Variants in DIAPH3 observed in about 807,000 individuals in gnomAD.
DIAPH3 encodes protein diaphanous homolog 3.
DIAPH3 carries 117 observed loss-of-function variants against 144.3 expected under a neutral mutation model. The ratio of observed to expected loss-of-function variants is 0.81; its 90% confidence interval spans 0.70 to 0.95. The LOEUF (loss-of-function observed/expected upper bound fraction) is 0.95. Ranked by LOEUF, DIAPH3 falls within the 40% of genes least tolerant of loss-of-function variation. The probability of loss-of-function intolerance (pLI) is 0.00; values close to 1 mark genes in which losing one functional copy is unlikely to be tolerated. For synonymous variants in DIAPH3, 519 were observed against 488.9 expected, an observed-to-expected ratio of 1.06 and a Z score of -0.81; for missense variants, 1,421 against 1,412.7, an observed-to-expected ratio of 1.01 and a Z score of -0.09.
At chr13:59,980,749 C>T in intron 14 of DIAPH3, 46 bp downstream of exon 14, 1 of 1,511,038 alleles carries the variant, frequency 6.6e-7, no homozygotes, top group South Asian at 1.1e-5. Flanking sequence ...AGCATGCCTG[C>T]AGTGGTTCCC....
intron 18 of DIAPH3, among the ~76,000 whole-genome samples, chr13:59,923,397 T>C (rs1417348504): frequency 1.3e-5 from 2 of 152,132 alleles, no homozygotes; most frequent in Non-Finnish European, 2.9e-5. Context: ...AAAGTTCTTT[T>C]GGGAGGGAAA....
At chr13:59,905,859 C>T (rs1399650892) in intron 20 of DIAPH3, among the ~76,000 whole-genome samples, 1 of 152,134 alleles carries the variant, frequency 6.6e-6, no homozygotes, top group Non-Finnish European at 1.5e-5. Flanking sequence ...TCCCCTAGAG[C>T]CCTCAGAAGG....
intron 27 of DIAPH3, among the ~76,000 whole-genome samples, chr13:59,687,040 C>T (rs1046275041): frequency 2.2e-4 from 33 of 151,926 alleles, no homozygotes; most frequent in African/African-American, 8.0e-4. Context: ...GAGTCTAGAC[C>T]AAGAGGCAAT....
intron 5 of DIAPH3, among the ~76,000 whole-genome samples, chr13:60,021,964 A>G (rs1250716168): frequency 6.6e-6 from 1 of 152,238 alleles, no homozygotes; most frequent in Non-Finnish European, 1.5e-5. Context: ...TGTAGTTTTC[A>G]GCATAAAAGT....
intron 5 of DIAPH3, among the ~76,000 whole-genome samples, chr13:60,025,682 T>G (rs2054329504): frequency 6.6e-6 from 1 of 151,992 alleles, no homozygotes; most frequent in South Asian, 2.1e-4. Flanking sequence ...TCAACAACAA[T>G]TTATAAATAA....
At chr13:59,921,897 C>T (rs995675065) in intron 18 of DIAPH3, among the ~76,000 whole-genome samples, 1 of 151,986 alleles carries the variant, frequency 6.6e-6, no homozygotes, top group Non-Finnish European at 1.5e-5. Context: ...AAGGATGGTT[C>T]AAAACATGCA....
In DIAPH3 at chr13:60,067,184, C is replaced by T. The variant is rs561383217; in HGVS notation, c.496-24364G>A. On this transcript the variant is annotated intron_variant, in intron 4 of 27. Transcript: ENST00000400324. ...CCTGTAGTCCCAGCTACTCTGGAGG[C>T]TAAGGTGAAAGGATTGCTTGAGCAT... 2.6e-5 allele frequency among the ~76,000 whole-genome samples: 4 copies of T among 151,770 alleles called. No individual in the cohort carries two copies. In the South Asian group the frequency reaches 8.3e-4, roughly 32 times the overall value.
intron 25 of DIAPH3, among the ~76,000 whole-genome samples, chr13:59,791,916 T>C (rs1358900574): frequency 2.0e-5 from 3 of 152,164 alleles, no homozygotes; most frequent in Non-Finnish European, 4.4e-5. Flanking sequence ...ACTCCTCCTT[T>C]CAACCTAGCC....
At chr13:60,103,370 A>C (rs1185499640) in intron 3 of DIAPH3, among the ~76,000 whole-genome samples, 2 of 152,170 alleles carry the variant, frequency 1.3e-5, no homozygotes, top group South Asian at 4.1e-4. Context: ...GGGACAGTTA[A>C]CACCACAGAG....
intron 7 of DIAPH3, chr13:60,013,390 C>T (rs955141646): frequency 1.1e-5 from 2 of 189,086 alleles, no homozygotes; most frequent in African/African-American, 2.4e-5. Context: ...ATCCCAGTAG[C>T]AGAAATAATG....
chr13:59,737,820 CTAAGT>C lies in DIAPH3; in HGVS notation c.3319+36364_3319+36368del, dbSNP rs772004456. On this transcript the variant is annotated intron_variant, in intron 27 of 27. Transcript: ENST00000400324. Reference sequence around the variant, plus strand: ...GCAAACTCTTATCTTCAAATACATTCTAAGTTTAGTTGCCATCCTCAGAAATATAC... The same window carrying C: ...GCAAACTCTTATCTTCAAATACATTCTTAGTTGCCATCCTCAGAAATATAC... 6.5e-4 allele frequency among the ~76,000 whole-genome samples: 99 copies of C among 152,276 alleles called. 2 individuals are homozygous for C. Among genetic ancestry groups the C allele is most frequent in the Non-Finnish European group, 1.1e-3 (75 of 68,034 alleles).
At chr13:59,786,749 G>A (rs1371200605) in intron 25 of DIAPH3, among the ~76,000 whole-genome samples, 1 of 152,200 alleles carries the variant, frequency 6.6e-6, no homozygotes, top group Non-Finnish European at 1.5e-5. Context: ...AAGAAGCTCT[G>A]TGTGTATGTG....
chr13:60,055,524 T>C (rs1464406324), intron 4 of DIAPH3, among the ~76,000 whole-genome samples: 1 of 151,852 alleles, frequency 6.6e-6, no homozygotes, highest in Admixed American at 6.6e-5. Flanking sequence ...AAAAAGGATA[T>C]ACTATACAGA....
intron 9 of DIAPH3, among the ~76,000 whole-genome samples, chr13:60,004,963 G>A (rs537736499): frequency 6.6e-5 from 10 of 152,170 alleles, no homozygotes; most frequent in African/African-American, 2.2e-4. Flanking sequence ...CCATAACTAC[G>A]GAAGGAAAAC....
chr13:59,948,073 A>C (rs905284450), intron 17 of DIAPH3, among the ~76,000 whole-genome samples: 10 of 152,164 alleles, frequency 6.6e-5, no homozygotes, highest in African/African-American at 2.4e-4. Context: ...TAATCCTAAA[A>C]GTAGTATTAA....
chr13:59,952,738 A>C (rs970580770), intron 17 of DIAPH3, among the ~76,000 whole-genome samples: 1 of 152,172 alleles, frequency 6.6e-6, no homozygotes, highest in African/African-American at 2.4e-5. Context: ...GATCATTTAA[A>C]TATTTCTACT....
At chr13:59,924,010 A>C (rs1049021400) in intron 18 of DIAPH3, among the ~76,000 whole-genome samples, 25 of 152,160 alleles carry the variant, frequency 1.6e-4, no homozygotes, top group African/African-American at 5.5e-4. Context: ...GCATGTAATA[A>C]TTGAGGGAGA....
At position 59,971,086 on chromosome 13, in the gene DIAPH3, A is replaced by C; in HGVS notation, c.1725T>G (p.Leu575=). 1 of 1,613,100 alleles carries C rather than the reference A, an allele frequency of 6.2e-7. No individual in the cohort carries two copies. The highest frequency in any genetic ancestry group is 2.2e-5 in the East Asian group (1 of 44,742). Residue 575 remains leucine (L), a synonymous_variant, in exon 16 of 28, where the codon CTT becomes CTG. Transcript: ENST00000400324. ...SKEGGTGHSA[L]PPPPPLPSGG... Reference sequence around the variant, plus strand: ...CAGAAGGCAGTGGAGGCGGAGGAGGAAGTGCTGAGTGGCCAGTTCCACCTT... The same window carrying C: ...CAGAAGGCAGTGGAGGCGGAGGAGGCAGTGCTGAGTGGCCAGTTCCACCTT...
At chr13:59,810,416 T>C (rs1014688051) in intron 25 of DIAPH3, among the ~76,000 whole-genome samples, 1 of 152,244 alleles carries the variant, frequency 6.6e-6, no homozygotes, top group South Asian at 2.1e-4. Flanking sequence ...TGGGATATTT[T>C]GTTGAAGAAA....
Sources: gnomAD v4.1 joint callset for allele counts (sites outside exome capture counted in the v4.1 genomes callset) on GRCh38, gnomAD v4.1.1 for gene constraint, MANE v1.5 for transcripts, NCBI Gene and HGNC (gene_info 2026-07-23, HGNC 2026-07-21) for gene names.